Variants in GRK3 observed in about 807,000 individuals in gnomAD.
GRK3 encodes the protein adrenergic, beta, receptor kinase 2.
A neutral mutation model predicts 95.7 loss-of-function variants in GRK3; 54 were observed. The observed-to-expected ratio is 0.56, with a 90% CI of 0.45 to 0.71. GRK3 has a LOEUF of 0.71. GRK3 is among the 30% of genes least tolerant of loss of function. The pLI, the probability that GRK3 is intolerant of heterozygous loss-of-function variation, is 0.00. For missense variants in GRK3, 649 were observed against 851.2 expected (o/e 0.76, Z 2.96); for synonymous variants, 281 against 290.8 (o/e 0.97, Z 0.34).
At chr22:25,663,528 G>C in intron 4 of GRK3, 102 bp from the exon 5 acceptor site, 1 of 678,846 alleles carries the variant, frequency 1.5e-6, no homozygotes, top group Middle Eastern at 4.1e-4. Context: ...GTAGGTTACT[G>C]TTTAGTAATT....
intron 1 of GRK3, among the ~76,000 whole-genome samples, chr22:25,589,139 G>A (rs1328437355): frequency 6.6e-6 from 1 of 152,118 alleles, no homozygotes; most frequent in African/African-American, 2.4e-5. Context: ...TGTGCTACTA[G>A]TTTTTCTAGG....
chr22:25,667,228 AT>A (rs1384469140), intron 5 of GRK3, among the ~76,000 whole-genome samples: 6 of 152,184 alleles, frequency 3.9e-5, no homozygotes, highest in Admixed American at 1.3e-4. Context: ...ATTAAAAAAA[AT>A]TTCACTTCAT....
At chr22:25,702,282 G>A (rs1388136831) in intron 13 of GRK3, among the ~76,000 whole-genome samples, 5 of 152,166 alleles carry the variant, frequency 3.3e-5, no homozygotes, top group African/African-American at 9.7e-5. Flanking sequence ...AATTAATTCA[G>A]TAGGATGACC....
intron 3 of GRK3, chr22:25,648,162 AGCGAAACTAC>A: frequency 1.5e-6 from 1 of 675,682 alleles, no homozygotes; most frequent in Non-Finnish European, 2.7e-6. Flanking sequence ...AAAACGAGAG[AGCGAAACTAC>A]TAAAGGTGCT....
Position 25,722,503 on chromosome 22 carries a change from T to C in GRK3, c.*53T>C. On this transcript the variant is annotated 3_prime_UTR_variant, in exon 21 of 21. Coordinates refer to ENST00000324198, the MANE Select transcript of GRK3 (RefSeq NM_005160.4). ...GAGGACACACCAGGGTCTCAGCCTT[T>C]TGGGGTGAACGAGGATGAGGCATCT... The C allele has an allele frequency of 1.9e-6, 3 of 1,586,732 alleles. No homozygotes were observed. Among genetic ancestry groups the C allele is most frequent in the East Asian group, 4.5e-5 (2 of 44,452 alleles).
intron 2 of GRK3, among the ~76,000 whole-genome samples, chr22:25,624,366 A>G (rs1422706120): frequency 6.6e-6 from 1 of 152,066 alleles, no homozygotes; most frequent in Non-Finnish European, 1.5e-5. Flanking sequence ...GATCGAGACC[A>G]TCCTGGCTAA....
rs781717352 is a variant in GRK3 at position 25,718,390 on chromosome 22, A to C, written c.1791+9A>C. The C allele has an allele frequency of 2.5e-6, 4 of 1,613,580 alleles. No individual in the cohort carries two copies. The highest frequency in any genetic ancestry group is 2.5e-6 in the Non-Finnish European group (3 of 1,179,710). ...GAGAGGGAGAGTCCCGGGTAAGTCT[A>C]AGGCAGCCTCACCGAGCATGTTTCC... On this transcript the variant is annotated intron_variant, in intron 19 of 20. Transcript: ENST00000324198.
chr22:25,615,359 G>T (rs1239119657), intron 2 of GRK3, among the ~76,000 whole-genome samples: 3 of 152,096 alleles, frequency 2.0e-5, no homozygotes, highest in African/African-American at 7.2e-5. Flanking sequence ...GGACGATGGG[G>T]CTGTTTTAGG....
At chr22:25,660,539 A>G (rs901459443) in intron 3 of GRK3, among the ~76,000 whole-genome samples, 1 of 152,170 alleles carries the variant, frequency 6.6e-6, no homozygotes, top group Non-Finnish European at 1.5e-5. Flanking sequence ...ATGGGACCTC[A>G]GTGTTTCACG....
chr22:25,628,430 G>GC (rs1347886496), intron 2 of GRK3, among the ~76,000 whole-genome samples: 30 of 152,282 alleles, frequency 2.0e-4, no homozygotes, highest in Non-Finnish European at 3.5e-4. Context: ...TTTTGTAAAA[G>GC]CAAAATATTT....
rs575597568 is a variant in GRK3 at position 25,592,353 on chromosome 22, C to T, written c.114-12024C>T. The stretch of plus-strand genomic sequence containing the variant: ...ATTTTCTTATTCTTGAGCTTTAAAG[C>T]GTCTTTATTTATGTTGGGTACAGAT... On this transcript the variant is annotated intron_variant, in intron 1 of 20. Coordinates refer to ENST00000324198, the MANE Select transcript of GRK3 (RefSeq NM_005160.4). Among the ~76,000 whole-genome samples the T allele has an allele frequency of 1.2e-4, 19 of 152,210 alleles. No individual in the cohort carries two copies. In the South Asian group the frequency reaches 1.7e-3, roughly 13 times the overall value.
intron 11 of GRK3, among the ~76,000 whole-genome samples, chr22:25,689,163 T>TAAAG (rs1212806455): frequency 3.3e-5 from 5 of 152,160 alleles, no homozygotes; most frequent in African/African-American, 1.2e-4. Flanking sequence ...AGTTTTCCTA[T>TAAAG]AAGCATAAAG....
intron 1 of GRK3, among the ~76,000 whole-genome samples, chr22:25,570,011 G>A (rs763575490): frequency 9.2e-5 from 14 of 152,300 alleles, no homozygotes; most frequent in Non-Finnish European, 1.3e-4. Context: ...TTGCTGGGCT[G>A]CCCCACCAAA....
At position 25,704,143 on chromosome 22, in the gene GRK3, T is replaced by C; in HGVS notation, c.1262T>C (p.Leu421Pro). 6.2e-7 allele frequency: 1 copy of C among 1,613,790 alleles called. No homozygotes were observed. The highest frequency in any genetic ancestry group is 1.1e-5 in the South Asian group (1 of 91,034). ...CTTCCAGACACCTTCTCTCCTGAACTGAAGTCCCTTTTGGAGGGCTTGCTT... is the reference window on the plus strand; with the variant it reads ...CTTCCAGACACCTTCTCTCCTGAACCGAAGTCCCTTTTGGAGGGCTTGCTT... ...VELPDTFSPE[L>P]KSLLEGLLQR... The change falls in exon 15 of 21, where the codon CTG becomes CCG. Residue 421 changes from leucine to proline, a missense_variant. By Grantham distance (98) the Leu-to-Pro change is moderately conservative (BLOSUM62 -3). Transcript: ENST00000324198.
At chr22:25,609,976 T>A (rs912578038) in intron 2 of GRK3, among the ~76,000 whole-genome samples, 2 of 151,298 alleles carry the variant, frequency 1.3e-5, no homozygotes, top group African/African-American at 4.9e-5. Flanking sequence ...GCCTCCCGAG[T>A]AGCTGGGATT....
chr22:25,714,629 G>A (rs2085369151), intron 18 of GRK3, 59 bp downstream of exon 18: 4 of 1,467,996 alleles, frequency 2.7e-6, no homozygotes, highest in Non-Finnish European at 2.7e-6. Context: ...AAAATTTCTT[G>A]TAAAGCTGAA....
chr22:25,676,183 C>G (rs749401742), intron 8 of GRK3, among the ~76,000 whole-genome samples: 5 of 151,926 alleles, frequency 3.3e-5, no homozygotes, highest in Non-Finnish European at 5.9e-5. Context: ...AAACACAGTC[C>G]TCTGCAACCC....
At chr22:25,592,760 T>C (rs760925847) in intron 1 of GRK3, among the ~76,000 whole-genome samples, 1 of 152,254 alleles carries the variant, frequency 6.6e-6, no homozygotes, top group Non-Finnish European at 1.5e-5. Context: ...GCCTAGTTAG[T>C]GAGCACAGTA....
At chr22:25,575,163 CT>C (rs1197283259) in intron 1 of GRK3, among the ~76,000 whole-genome samples, 2 of 152,172 alleles carry the variant, frequency 1.3e-5, no homozygotes, top group African/African-American at 4.8e-5. Flanking sequence ...CATTTCTGTC[CT>C]TTAAGTAAGG....
Sources: gnomAD v4.1 joint callset for allele counts (sites outside exome capture counted in the v4.1 genomes callset) on GRCh38, gnomAD v4.1.1 for gene constraint, MANE v1.5 for transcripts, NCBI Gene and HGNC (gene_info 2026-07-23, HGNC 2026-07-21) for gene names.